Variants in TMEM132D observed in about 807,000 individuals in gnomAD.
The protein encoded by TMEM132D is transmembrane protein 132D, also known as mature OL transmembrane protein.
Under a neutral mutation model 62.3 loss-of-function variants are expected in TMEM132D, and 21 were observed. The ratio of observed to expected loss-of-function variants is 0.34; its 90% CI spans 0.24 to 0.49. The LOEUF (loss-of-function observed/expected upper bound fraction) is 0.49, where lower values mean the gene tolerates loss of function less well. TMEM132D is among the 20% of genes least tolerant of loss of function. The probability of loss-of-function intolerance (pLI) is 0.99; values close to 1 mark genes in which losing one functional copy is unlikely to be tolerated. For missense variants in TMEM132D, 1,346 were observed against 1,402.8 expected (o/e 0.96, Z 0.65); for synonymous variants, 621 against 575.6 (o/e 1.08, Z -1.13).
intron 1 of TMEM132D, among the ~76,000 whole-genome samples, chr12:129,821,790 G>A (rs112866103): frequency 2.6e-5 from 4 of 152,258 alleles, no homozygotes; most frequent in African/African-American, 9.6e-5. Context: ...GCAAGAACTT[G>A]CATTTCTTGC....
intron 2 of TMEM132D, among the ~76,000 whole-genome samples, chr12:129,653,203 G>C (rs896525516): frequency 6.6e-6 from 1 of 152,112 alleles, no homozygotes; most frequent in Non-Finnish European, 1.5e-5. Flanking sequence ...CCAGGATGAG[G>C]AGGGGCTGCA....
chr12:129,216,922 C>A (rs1266572660), intron 4 of TMEM132D, among the ~76,000 whole-genome samples: 3 of 152,180 alleles, frequency 2.0e-5, no homozygotes, highest in Non-Finnish European at 4.4e-5. Flanking sequence ...TCTTATCGGT[C>A]TTAAGCCAAA....
At chr12:129,516,522 C>A (rs986559431) in intron 3 of TMEM132D, among the ~76,000 whole-genome samples, 29 of 152,236 alleles carry the variant, frequency 1.9e-4, no homozygotes, top group South Asian at 1.0e-3. Context: ...GTGAAAGGGG[C>A]TTCCCCTTAT....
chr12:129,087,889 C>G (rs961845372), intron 5 of TMEM132D, among the ~76,000 whole-genome samples: 3 of 70,060 alleles, frequency 4.3e-5, no homozygotes, highest in East Asian at 5.6e-4. Flanking sequence ...CCTCCCTGAC[C>G]GGGGTGTCCT....
At chr12:129,490,573 C>A (rs908278700) in intron 3 of TMEM132D, among the ~76,000 whole-genome samples, 1 of 145,798 alleles carries the variant, frequency 6.9e-6, no homozygotes, top group Non-Finnish European at 1.5e-5. Flanking sequence ...GGACTACAGG[C>A]GCCCGCCCAC....
chr12:129,701,990 C>T (rs901711817), intron 1 of TMEM132D, among the ~76,000 whole-genome samples: 6 of 152,334 alleles, frequency 3.9e-5, no homozygotes, highest in African/African-American at 1.4e-4. Context: ...AGGTCACTGA[C>T]CCTCGTTGTT....
At chr12:129,750,709 G>C (rs1336417913) in intron 1 of TMEM132D, among the ~76,000 whole-genome samples, 4 of 152,144 alleles carry the variant, frequency 2.6e-5, no homozygotes, top group Non-Finnish European at 4.4e-5. Flanking sequence ...GCTGGGAAGG[G>C]GTTGGTCAGC....
chr12:129,084,203 G>A (rs1371254349), intron 6 of TMEM132D, among the ~76,000 whole-genome samples: 1 of 152,124 alleles, frequency 6.6e-6, no homozygotes, highest in African/African-American at 2.4e-5. Context: ...CTAGATAAGG[G>A]AGGCCACAAA....
intron 1 of TMEM132D, among the ~76,000 whole-genome samples, chr12:129,734,257 G>A (rs907404624): frequency 2.0e-5 from 3 of 152,156 alleles, no homozygotes; most frequent in East Asian, 1.9e-4. Context: ...CAAAGAGAAC[G>A]TACTTACAGA....
At chr12:129,837,032 A>C (rs1873026492) in intron 1 of TMEM132D, among the ~76,000 whole-genome samples, 1 of 152,236 alleles carries the variant, frequency 6.6e-6, no homozygotes, top group Admixed American at 6.5e-5. Context: ...ATTAGGTTCA[A>C]AGACACTCTC....
chr12:129,110,089 C>G (rs1243426002), intron 5 of TMEM132D: 5 of 152,472 alleles, frequency 3.3e-5, no homozygotes, highest in African/African-American at 1.2e-4. Flanking sequence ...TCAGGCACTT[C>G]CTGCCCGGTT....
At chr12:129,206,663 T>A (rs997667594) in intron 5 of TMEM132D, among the ~76,000 whole-genome samples, 2 of 152,208 alleles carry the variant, frequency 1.3e-5, no homozygotes, top group East Asian at 3.8e-4. Context: ...GAATGTTCAT[T>A]GCTACACTAT....
chr12:129,817,601 G>A (rs1872386478), intron 1 of TMEM132D, among the ~76,000 whole-genome samples: 1 of 151,150 alleles, frequency 6.6e-6, no homozygotes, highest in Admixed American at 6.6e-5. Context: ...TGGTGTGTGT[G>A]TGTGTGTGTA....
intron 2 of TMEM132D, among the ~76,000 whole-genome samples, chr12:129,553,839 A>G (rs1337101692): frequency 6.6e-6 from 1 of 152,126 alleles, no homozygotes; most frequent in African/African-American, 2.4e-5. Context: ...TTCTTTGCCC[A>G]TGAGGATCCT....
chr12:129,584,304 T>C (rs1235462487), intron 2 of TMEM132D, among the ~76,000 whole-genome samples: 1 of 152,248 alleles, frequency 6.6e-6, no homozygotes, highest in African/African-American at 2.4e-5. Context: ...TTATTTTCAG[T>C]ACTAATGTTT....
intron 1 of TMEM132D, among the ~76,000 whole-genome samples, chr12:129,836,516 G>GCA (rs397791205): frequency 4.7e-5 from 7 of 148,670 alleles, no homozygotes; most frequent in African/African-American, 1.8e-4. Context: ...GTGTGTGTGT[G>GCA]CGCGCGTGTG....
chr12:129,773,870 G>C (rs567249014), intron 1 of TMEM132D, among the ~76,000 whole-genome samples: 1 of 152,226 alleles, frequency 6.6e-6, no homozygotes, highest in South Asian at 2.1e-4. Flanking sequence ...ATGAAGACTT[G>C]GGCAAATTTC....
chr12:129,829,079 G>C (rs1241394561), intron 1 of TMEM132D, among the ~76,000 whole-genome samples: 2 of 151,996 alleles, frequency 1.3e-5, no homozygotes, highest in Non-Finnish European at 2.9e-5. Flanking sequence ...TTTTATGTGA[G>C]ACAAACAAGC....
chr12:129,086,199 C>CACGTGTGT (rs1555228440), intron 5 of TMEM132D, among the ~76,000 whole-genome samples: 5 of 116,120 alleles, frequency 4.3e-5, no homozygotes, highest in Admixed American at 8.5e-5. Flanking sequence ...GTCACGCGCG[C>CACGTGTGT]GCGTGTGTGT....
Sources: gnomAD v4.1 joint callset for allele counts (sites outside exome capture counted in the v4.1 genomes callset) on GRCh38, gnomAD v4.1.1 for gene constraint, MANE v1.5 for transcripts, NCBI Gene and HGNC (gene_info 2026-07-23, HGNC 2026-07-21) for gene names.